The following MCM9 variants were observed in gnomAD, a reference collection of about 807,000 sequenced individuals.
MCM9 encodes the protein DNA helicase MCM9.
Under a neutral mutation model 72.8 loss-of-function variants are expected in MCM9, and 55 were observed. That is an observed-to-expected ratio of 0.76 (90% confidence interval 0.61 to 0.95). The LOEUF (loss-of-function observed/expected upper bound fraction) is 0.95, where lower values mean the gene tolerates loss of function less well. Ranked by LOEUF, MCM9 falls within the 40% of genes least tolerant of loss-of-function variation. The pLI, the probability that MCM9 is intolerant of heterozygous loss-of-function variation, is 0.00. For missense variants in MCM9, 1,279 were observed against 1,377.0 expected (o/e 0.93, Z 1.13); for synonymous variants, 480 against 503.4 (o/e 0.95, Z 0.62).
chr6:118,907,349 G>A (rs1562433019), intron 8 of MCM9: 1 of 1,259,996 alleles, frequency 7.9e-7, no homozygotes, highest in Non-Finnish European at 1.1e-6. Context: ...ATTTGTATAT[G>A]GTGATTTAAC....
chr6:118,818,924 C>G (rs1773596372), intron 13 of MCM9, among the ~76,000 whole-genome samples: 1 of 151,924 alleles, frequency 6.6e-6, no homozygotes, highest in African/African-American at 2.4e-5. Context: ...ATTCAGCTCT[C>G]TATTATTGGT....
intron 13 of MCM9, among the ~76,000 whole-genome samples, chr6:118,824,035 CTTTTTTTTTTTTTTTTTTT>C (rs137881254): frequency 2.8e-4 from 15 of 54,340 alleles, no homozygotes; most frequent in Admixed American, 1.1e-3. Flanking sequence ...GCAAACCCAC[CTTTTTTTTTTTTTTTTTTT>C]TTTTTTTTTT....
rs181911585 is a variant in MCM9, at chr6:118,826,725, T to C, written c.1815+57A>G. ...TGATATGTTAATAAAGTGTCCTTTT[T>C]TAAAAAAAAGAAAGTTTGTAATTAG... On this transcript the variant is annotated intron_variant, in intron 12 of 13. Transcript: ENST00000619706. 690 of 1,345,612 alleles carry C rather than the reference T, an allele frequency of 5.1e-4. 7 individuals carry two copies. In the South Asian group the frequency reaches 5.8e-3, roughly 11 times the overall value. The allele number at this position is 1,345,612 out of a possible 1,614,324, so 83.4% of individuals were successfully genotyped here.
At chr6:118,854,379 G>T (rs1210659404) in intron 9 of MCM9, among the ~76,000 whole-genome samples, 4 of 152,084 alleles carry the variant, frequency 2.6e-5, no homozygotes, top group African/African-American at 9.7e-5. Flanking sequence ...TTAGACAGAG[G>T]TCACTCTGTC....
intron 8 of MCM9, chr6:118,910,854 G>A (rs1780493835): frequency 7.1e-6 from 7 of 985,256 alleles, no homozygotes; most frequent in African/African-American, 5.2e-5. Context: ...ATTTTCTGTT[G>A]TATGATAAAT....
chr6:118,911,044 T>G (rs1157525863), intron 8 of MCM9: 1 of 983,706 alleles, frequency 1.0e-6, no homozygotes, highest in African/African-American at 1.7e-5. Flanking sequence ...TCAAACATAT[T>G]TTTTAAAATA....
In MCM9 at chr6:118,911,376, C is replaced by T. The variant is rs117046324; in HGVS notation, c.1150+274G>A. 1,838 of 1,141,792 alleles carry T rather than the reference C, an allele frequency of 1.6e-3. 3 individuals are homozygous for T. The highest frequency in any genetic ancestry group is 1.7e-3 in the Non-Finnish European group (1,590 of 930,022). The allele number at this position is 1,141,792 out of a possible 1,614,324, so 70.7% of individuals were successfully genotyped here. ...AGTCTTGATAAAATGCCAGATGATA[C>T]GGACTTTTTCCTGCATAAAAGTATG... On this transcript the variant is annotated intron_variant, in intron 8 of 13. Coordinates refer to ENST00000619706, the MANE Select transcript of MCM9 (RefSeq NM_017696.3).
At chr6:118,910,898 C>T (rs1408193247) in intron 8 of MCM9, 1 of 985,260 alleles carries the variant, frequency 1.0e-6, no homozygotes, top group Admixed American at 6.2e-5. Flanking sequence ...GAAATTTGAG[C>T]ATTCATTAGC....
At chr6:118,924,552 T>TA (rs1436962289) in intron 3 of MCM9, among the ~76,000 whole-genome samples, 1 of 152,216 alleles carries the variant, frequency 6.6e-6, no homozygotes, top group South Asian at 2.1e-4. Flanking sequence ...AGCAGACCGA[T>TA]AAAGAGATGG....
At chr6:118,889,418 C>T (rs774316352) in intron 8 of MCM9, among the ~76,000 whole-genome samples, 23 of 152,194 alleles carry the variant, frequency 1.5e-4, no homozygotes, top group Non-Finnish European at 2.6e-4. Context: ...TGGCTTTGTA[C>T]GAGCAGTGGT....
chr6:118,911,377 G>A (rs769500072), intron 8 of MCM9: 49 of 1,142,290 alleles, frequency 4.3e-5, no homozygotes, highest in African/African-American at 6.5e-5. Flanking sequence ...CAGATGATAC[G>A]GACTTTTTCC....
chr6:118,903,855 AGGAT>A lies in MCM9; in HGVS notation c.1150+7791_1150+7794del, dbSNP rs1198486805. The stretch of plus-strand genomic sequence containing the variant: ...ACCCACCTTAGCCTCCCAAAGTGCT[AGGAT>A]TACAGGCGTGAGCCACCGTGCTCAG... On this transcript the variant is annotated intron_variant, in intron 8 of 13. Coordinates refer to ENST00000619706, the MANE Select transcript of MCM9 (RefSeq NM_017696.3). Among the ~76,000 whole-genome samples, 43 of 152,222 alleles carry A rather than the reference AGGAT, an allele frequency of 2.8e-4. 1 individual carries two copies. The highest frequency in any genetic ancestry group is 9.9e-4 in the African/African-American group (41 of 41,552).
intron 8 of MCM9, among the ~76,000 whole-genome samples, chr6:118,876,504 T>C (rs529385729): frequency 6.6e-6 from 1 of 152,184 alleles, no homozygotes; most frequent in East Asian, 1.9e-4. Flanking sequence ...GGAACTATAG[T>C]TTCTGTTCAG....
rs775485606 is a variant in MCM9 at position 118,874,186 on chromosome 6, C to CAGAG, written c.1151-17645_1151-17642dup. ...GGGAGGATCACTTGAACCTGGAAGGCAGAGGTTGCAGCGAGCCAAGACTGA... is the reference window on the plus strand; with the variant it reads ...GGGAGGATCACTTGAACCTGGAAGGCAGAGAGAGGTTGCAGCGAGCCAAGACTGA... On this transcript the variant is annotated intron_variant, in intron 8 of 13. Coordinates refer to ENST00000619706, the MANE Select transcript of MCM9 (RefSeq NM_017696.3). Among the ~76,000 whole-genome samples, 13 of 152,192 alleles carry CAGAG rather than the reference C, an allele frequency of 8.5e-5. No homozygotes were observed. In the East Asian group the frequency reaches 2.5e-3, roughly 29 times the overall value.
At chr6:118,823,263 C>T (rs1432177840) in intron 13 of MCM9, among the ~76,000 whole-genome samples, 1 of 152,130 alleles carries the variant, frequency 6.6e-6, no homozygotes, top group African/African-American at 2.4e-5. Context: ...TCTTCTGATC[C>T]GTGGATTGCA....
At chr6:118,854,497 C>T (rs1776433792) in intron 9 of MCM9, among the ~76,000 whole-genome samples, 1 of 152,190 alleles carries the variant, frequency 6.6e-6, no homozygotes, top group African/African-American at 2.4e-5. Context: ...GGATTACAGG[C>T]ATGTGCCACT....
Position 118,886,037 on chromosome 6 carries a change from G to A in MCM9, c.1150+25613C>T, listed in dbSNP as rs146065859. On this transcript the variant is annotated intron_variant, in intron 8 of 13. Transcript: ENST00000619706. Reference sequence around the variant, plus strand: ...AAAAATCAATCAATATGGTATTCTCGTTAGTAGAATAAGGGACCAAAAAAA... The same window carrying A: ...AAAAATCAATCAATATGGTATTCTCATTAGTAGAATAAGGGACCAAAAAAA... Among the ~76,000 whole-genome samples, 989 of 138,440 alleles carry A rather than the reference G, an allele frequency of 7.1e-3. 7 individuals are homozygous for A. Among genetic ancestry groups the A allele is most frequent in the African/African-American group, 0.025 (920 of 36,718 alleles). The allele number at this position is 138,440 out of a possible 152,430, so 90.8% of individuals were successfully genotyped here.
chr6:118,905,720 T>C (rs1780136560), intron 8 of MCM9: 1 of 1,613,730 alleles, frequency 6.2e-7, no homozygotes, highest in Admixed American at 1.7e-5. Context: ...TGCTAATTAC[T>C]TGTACCTATC....
At chr6:118,905,203 A>C (rs1001908081) in intron 8 of MCM9, among the ~76,000 whole-genome samples, 1 of 152,214 alleles carries the variant, frequency 6.6e-6, no homozygotes, top group African/African-American at 2.4e-5. Context: ...GTATGAGAAT[A>C]TAAGTATCCT....
Sources: gnomAD v4.1 joint callset for allele counts (sites outside exome capture counted in the v4.1 genomes callset) on GRCh38, gnomAD v4.1.1 for gene constraint, MANE v1.5 for transcripts, NCBI Gene and HGNC (gene_info 2026-07-23, HGNC 2026-07-21) for gene names.